Variants in SIK3 observed in about 807,000 individuals in gnomAD.
SIK3 encodes SIK family kinase 3, also known as serine/threonine-protein kinase SIK3.
A neutral mutation model predicts 144.2 loss-of-function variants in SIK3; 28 were observed. The ratio of observed to expected loss-of-function variants is 0.19; its 90% CI spans 0.14 to 0.27. The LOEUF is 0.27. SIK3 is among the 10% of genes least tolerant of loss of function. The probability of loss-of-function intolerance (pLI) is 1.00; values close to 1 mark genes in which losing one functional copy is unlikely to be tolerated. For missense variants in SIK3, 1,319 were observed against 1,776.0 expected, an observed-to-expected ratio of 0.74 and a Z score of 4.62; for synonymous variants, 686 against 676.3, an observed-to-expected ratio of 1.01 and a Z score of -0.22.
chr11:116,878,154 C>T (rs1944355419), intron 6 of SIK3, among the ~76,000 whole-genome samples: 1 of 152,102 alleles, frequency 6.6e-6, no homozygotes, highest in Admixed American at 6.5e-5. Context: ...CATCTTTATC[C>T]AAGCCACCAT....
intron 1 of SIK3, among the ~76,000 whole-genome samples, chr11:117,011,454 G>C (rs1354401516): frequency 6.6e-6 from 1 of 152,102 alleles, no homozygotes; most frequent in African/African-American, 2.4e-5. Flanking sequence ...TAAAATTTCT[G>C]TCCATTGTTA....
At chr11:116,940,028 G>A (rs1293223930) in intron 3 of SIK3, among the ~76,000 whole-genome samples, 3 of 152,140 alleles carry the variant, frequency 2.0e-5, no homozygotes, top group Admixed American at 6.5e-5. Flanking sequence ...AGGAATTACT[G>A]TCAATGCTGT....
At chr11:116,940,231 G>GTTTTTTT in intron 3 of SIK3, among the ~76,000 whole-genome samples, 1 of 135,794 alleles carries the variant, frequency 7.4e-6, no homozygotes, top group Non-Finnish European at 1.6e-5. Context: ...AGGTTTTTTT[G>GTTTTTTT]TTTTTTTTTT....
intron 1 of SIK3, among the ~76,000 whole-genome samples, chr11:117,069,409 G>T (rs992535921): frequency 6.6e-6 from 1 of 151,978 alleles, no homozygotes; most frequent in African/African-American, 2.4e-5. Context: ...TTTCTAAAAG[G>T]TAAGTACTTT....
chr11:117,023,599 AACAAACAAAC>A (rs1464824341), intron 1 of SIK3, among the ~76,000 whole-genome samples: 1 of 49,080 alleles, frequency 2.0e-5, no homozygotes, highest in African/African-American at 1.4e-4. Flanking sequence ...CAAACAAACA[AACAAACAAAC>A]AAAAAAAAAA....
At chr11:116,974,506 T>C (rs1444234448) in intron 1 of SIK3, among the ~76,000 whole-genome samples, 1 of 152,158 alleles carries the variant, frequency 6.6e-6, no homozygotes, top group Non-Finnish European at 1.5e-5. Flanking sequence ...TGGCCTCAAG[T>C]GATCCTCCCC....
intron 4 of SIK3, 144 bp from the exon 5 acceptor site, chr11:116,897,461 A>G (rs1363330627): frequency 2.9e-6 from 2 of 688,486 alleles, no homozygotes; most frequent in Non-Finnish European, 4.9e-6. Flanking sequence ...ACATAGCCAG[A>G]CACTTAAAAC....
At chr11:117,096,303 G>T (rs893954499) in intron 1 of SIK3, among the ~76,000 whole-genome samples, 3 of 152,070 alleles carry the variant, frequency 2.0e-5, no homozygotes, top group African/African-American at 7.2e-5. Flanking sequence ...CATAAACCAG[G>T]CAACCAATTA....
intron 1 of SIK3, among the ~76,000 whole-genome samples, chr11:117,013,905 G>GTGTGTGTGTGTGTGTGT (rs1555127056): frequency 7.6e-4 from 36 of 47,316 alleles, no homozygotes; most frequent in East Asian, 2.6e-3. Context: ...TCTGAGGGGG[G>GTGTGTGTGTGTGTGTGT]GGGGGGGAGG....
rs1467044349 is a variant in SIK3 at position 116,951,161 on chromosome 11, T to A, written c.454+2883A>T. On this transcript the variant is annotated intron_variant, in intron 3 of 24. Transcript: ENST00000445177. Reference sequence around the variant, plus strand: ...CCTGTGCACCAGAATCATCTAGTAATTTGCTCTAAGTAAAAGGGCAAATAG... The same window carrying A: ...CCTGTGCACCAGAATCATCTAGTAAATTGCTCTAAGTAAAAGGGCAAATAG... 3.3e-5 allele frequency among the ~76,000 whole-genome samples: 5 copies of A among 152,270 alleles called. No homozygotes were observed. In the East Asian group the frequency reaches 9.6e-4, roughly 29 times the overall value.
chr11:116,858,110 C>A lies in SIK3; in HGVS notation c.3355G>T (p.Val1119Phe). ...GGGGTGGGTGAGGAAGCCTGTGAGA[C>A]ACATTCTTGTGCCCTGATTTGTAGC... ...HLLQIRAQEC[V>F]SQASSPTPPH... Residue 1119 changes from valine to phenylalanine, a missense_variant, in exon 21 of 25, where the codon GTC becomes TTC. By Grantham distance (50) the Val-to-Phe change is conservative. Coordinates refer to ENST00000445177, the MANE Select transcript of SIK3 (RefSeq NM_001366686.3). This position sits in a 1 kb window ranked among gnomAD's most constrained non-coding sequence, Gnocchi z 5.4. 6.2e-7 allele frequency: 1 copy of A among 1,614,100 alleles called. No individual in the cohort carries two copies. Among genetic ancestry groups the A allele is most frequent in the Non-Finnish European group, 8.5e-7 (1 of 1,179,990 alleles).
chr11:117,021,762 T>C (rs1951769933), intron 1 of SIK3, among the ~76,000 whole-genome samples: 1 of 151,620 alleles, frequency 6.6e-6, no homozygotes, highest in Non-Finnish European at 1.5e-5. Context: ...ACTCGAGTCC[T>C]GTCTGGGCAA....
intron 3 of SIK3, among the ~76,000 whole-genome samples, chr11:116,942,292 G>A (rs928782172): frequency 4.6e-5 from 7 of 152,024 alleles, no homozygotes; most frequent in Non-Finnish European, 7.4e-5. Flanking sequence ...AAACTTAAAC[G>A]CCATAATCAG....
At chr11:116,878,255 G>A (rs1425371994) in intron 6 of SIK3, among the ~76,000 whole-genome samples, 1 of 152,122 alleles carries the variant, frequency 6.6e-6, no homozygotes, top group Non-Finnish European at 1.5e-5. Flanking sequence ...AGAGGCAAAA[G>A]GAATTTTTCC....
intron 4 of SIK3, among the ~76,000 whole-genome samples, chr11:116,918,316 C>T (rs1337221050): frequency 2.0e-5 from 3 of 152,272 alleles, no homozygotes; most frequent in South Asian, 2.1e-4. Context: ...TCTTACACTC[C>T]GCTCAACTCC....
intron 4 of SIK3, among the ~76,000 whole-genome samples, chr11:116,924,416 A>C (rs1272405353): frequency 6.6e-6 from 1 of 152,190 alleles, no homozygotes; most frequent in East Asian, 1.9e-4. Flanking sequence ...GACGGAAAAT[A>C]AAACTAGAGA....
intron 1 of SIK3, among the ~76,000 whole-genome samples, chr11:117,060,665 A>G (rs1953753832): frequency 6.6e-6 from 1 of 152,094 alleles, no homozygotes; most frequent in South Asian, 2.1e-4. Context: ...GGTACAGCAC[A>G]GGGAATTCTT....
intron 1 of SIK3, among the ~76,000 whole-genome samples, chr11:117,038,259 G>T (rs1005309001): frequency 6.6e-6 from 1 of 151,826 alleles, no homozygotes; most frequent in Non-Finnish European, 1.5e-5. Flanking sequence ...ACCAAACAAA[G>T]AACCACTCAA....
At chr11:116,853,611 C>A (rs894449228) in intron 21 of SIK3, among the ~76,000 whole-genome samples, 2 of 152,182 alleles carry the variant, frequency 1.3e-5, no homozygotes, top group Non-Finnish European at 2.9e-5. Flanking sequence ...AAAATGGGAG[C>A]AATAACGTGA....
Sources: gnomAD v4.1 joint callset for allele counts (sites outside exome capture counted in the v4.1 genomes callset) on GRCh38, gnomAD v4.1.1 for gene constraint, Gnocchi (gnomAD v3.1) non-coding constraint, MANE v1.5 for transcripts, NCBI Gene and HGNC (gene_info 2026-07-23, HGNC 2026-07-21) for gene names.